The following HOXC5 variants were observed in gnomAD, a reference collection of about 807,000 sequenced individuals.
The protein encoded by HOXC5 is homeobox C5.
In HOXC5, 19 loss-of-function variants were observed where a neutral mutation model predicts 20.1. The observed-to-expected ratio is 0.94, with a 90% confidence interval of 0.66 to 1.38. The LOEUF (loss-of-function observed/expected upper bound fraction) is 1.38. Ranked by LOEUF, HOXC5 falls within the 40% of genes most tolerant of loss-of-function variation. The probability of loss-of-function intolerance (pLI) is 0.00; values close to 1 mark genes in which losing one functional copy is unlikely to be tolerated. For missense variants in HOXC5, 330 were observed against 300.1 expected, an observed-to-expected ratio of 1.10 and a Z score of -0.74; for synonymous variants, 124 against 117.0, an observed-to-expected ratio of 1.06 and a Z score of -0.39.
upstream of HOXC5, chr12:54,029,754 C>T: frequency 6.2e-7 from 1 of 1,614,192 alleles, no homozygotes; most frequent in Non-Finnish European, 8.5e-7. Flanking sequence ...CGCTACCTAA[C>T]GCGGCGCCGG....
At position 54,033,209 on chromosome 12, in the gene HOXC5, G is replaced by A. The variant is rs1941054976; in HGVS notation, c.87G>A (p.Ser29=). ...TGCAAACTTGTGGGAACTATGGATC[G>A]GCCTCAGAGGTGCAGGCATCCAGGT... ...YNMQTCGNYG[S]ASEVQASRYC... Residue 29 remains serine, a synonymous_variant, in exon 1 of 2, where the codon TCG becomes TCA. Coordinates refer to ENST00000312492, the MANE Select transcript of HOXC5 (RefSeq NM_018953.4). 6.2e-7 allele frequency: 1 copy of A among 1,614,126 alleles called. No individual in the cohort carries two copies. Among genetic ancestry groups the A allele is most frequent in the African/African-American group, 1.3e-5 (1 of 75,024 alleles).
At chr12:54,024,704 G>A in the HOXC5 span, among the ~76,000 whole-genome samples, 2 of 146,234 alleles carry the variant, frequency 1.4e-5, no homozygotes, top group Non-Finnish European at 3.0e-5. Flanking sequence ...CATGCCCCCA[G>A]CCTTTCCCTG....
At chr12:54,031,336 G>C (rs1231244530), upstream of HOXC5, among the ~76,000 whole-genome samples, 1 of 152,208 alleles carries the variant, frequency 6.6e-6, no homozygotes, top group Non-Finnish European at 1.5e-5. Context: ...GGAAAGAGAA[G>C]ACCGCGGGAC....
chr12:54,033,922 C>T (rs1941091245), intron 1 of HOXC5: 3 of 404,230 alleles, frequency 7.4e-6, no homozygotes, highest in Admixed American at 4.0e-5. Context: ...GCTCCGCCGG[C>T]GCTTGCGGCT....
the HOXC5 span, among the ~76,000 whole-genome samples, chr12:54,019,326 G>A: frequency 4.6e-5 from 7 of 152,296 alleles, no homozygotes; most frequent in South Asian, 1.5e-3. Flanking sequence ...GCGCTCTCCC[G>A]CCGCTCAGGC....
the HOXC5 span, chr12:54,017,379 C>CAGAGAGGG: frequency 2.6e-5 from 4 of 152,020 alleles, no homozygotes; most frequent in Non-Finnish European, 4.4e-5. Flanking sequence ...GAGAGAGAGG[C>CAGAGAGGG]AGAGAGGGAG....
upstream of HOXC5, chr12:54,028,949 T>C: frequency 6.3e-7 from 1 of 1,575,282 alleles, no homozygotes. Context: ...GAGATATAAA[T>C]TAAATAAACT....
chr12:54,034,734 C>G lies in HOXC5; in HGVS notation c.*242C>G. 1.9e-6 allele frequency: 1 copy of G among 522,480 alleles called. No individual in the cohort carries two copies. Among genetic ancestry groups the G allele is most frequent in the Non-Finnish European group, 3.5e-6 (1 of 288,554 alleles). 32.4% of individuals were successfully genotyped at this position (522,480 alleles called of 1,614,324 possible). ...TCGGCTCAGCTCGGTACCCGGGGCC[C>G]AGGGCAAGCTCCGCAGGACTTCCCC... is the stretch of plus-strand genomic sequence containing the variant. On this transcript the variant is annotated 3_prime_UTR_variant, in exon 2 of 2. Transcript: ENST00000312492.
chr12:54,030,402 C>A (rs997999215), upstream of HOXC5: 1 of 153,450 alleles, frequency 6.5e-6, no homozygotes, highest in Non-Finnish European at 1.5e-5. Flanking sequence ...CGGGGAGGGC[C>A]GGAGGCCCAA....
chr12:54,028,900 C>A (rs1940855257), upstream of HOXC5: 1 of 1,611,136 alleles, frequency 6.2e-7, no homozygotes, highest in Admixed American at 1.7e-5. Context: ...CCCCTGGATG[C>A]AGCGAATGAA....
the HOXC5 span, among the ~76,000 whole-genome samples, chr12:54,024,057 G>A: frequency 1.1e-4 from 17 of 152,212 alleles, 1 homozygote; most frequent in South Asian, 2.7e-3. Flanking sequence ...TAGACCAATC[G>A]GGCCAACTGA....
the HOXC5 span, among the ~76,000 whole-genome samples, chr12:54,025,535 GGGGA>G: frequency 0.4 from 41,456 of 103,320 alleles, 7,411 homozygotes; most frequent in East Asian, 0.48. Context: ...ATTGGGGGGG[GGGGA>G]GGTGTTGAAA....
chr12:54,019,391 A>T, the HOXC5 span, among the ~76,000 whole-genome samples: 2 of 152,096 alleles, frequency 1.3e-5, no homozygotes, highest in African/African-American at 4.8e-5. Context: ...CGGAACCCGG[A>T]GTCTGTGGGA....
chr12:54,019,333 A>G, the HOXC5 span, among the ~76,000 whole-genome samples: 1 of 152,188 alleles, frequency 6.6e-6, no homozygotes, highest in Non-Finnish European at 1.5e-5. Flanking sequence ...CCCGCCGCTC[A>G]GGCACGGCCC....
intron 1 of HOXC5, 78 bp downstream of exon 1, chr12:54,033,654 A>C: frequency 8.0e-7 from 1 of 1,249,228 alleles, no homozygotes. Flanking sequence ...AAAGAAAAAA[A>C]ACCTGCGGCC....
chr12:54,033,710 T>TA (rs1405304769), intron 1 of HOXC5, 134 bp downstream of exon 1: 134 of 766,224 alleles, frequency 1.7e-4, no homozygotes, highest in Non-Finnish European at 2.3e-4. Flanking sequence ...AACTGTCCAC[T>TA]AAAAGGCTTA....
At chr12:54,027,103 C>T in the HOXC5 span, among the ~76,000 whole-genome samples, 1 of 152,268 alleles carries the variant, frequency 6.6e-6, no homozygotes, top group Non-Finnish European at 1.5e-5. Context: ...CATCTGCACA[C>T]TTTCCGCTGT....
the HOXC5 span, among the ~76,000 whole-genome samples, chr12:54,017,667 A>T: frequency 9.1e-4 from 138 of 151,872 alleles, 2 homozygotes; most frequent in Non-Finnish European, 8.8e-5. Context: ...AGGCAAGGGA[A>T]CAGCACCTGT....
chr12:54,020,318 T>C, the HOXC5 span: 1 of 152,284 alleles, frequency 6.6e-6, no homozygotes, highest in Non-Finnish European at 1.5e-5. Flanking sequence ...AGCCCACTCT[T>C]TGGGCACCCT....
Sources: allele counts gnomAD v4.1 joint callset (sites outside exome capture counted in the v4.1 genomes callset), GRCh38; gene constraint gnomAD v4.1.1; transcripts MANE v1.5; gene names NCBI Gene and HGNC (gene_info 2026-07-23, HGNC 2026-07-21).